CDCA4: variants seen among roughly 807,000 people sequenced by gnomAD.
The protein encoded by CDCA4 is cell division cycle-associated protein 4.
For synonymous variants in CDCA4, 130 were observed against 137.0 expected (o/e 0.95, Z 0.36); for missense variants, 294 against 322.1 (o/e 0.91, Z 0.67).
intron 1 of CDCA4, 109 bp from the exon 2 acceptor site, chr14:105,012,044 G>C (rs142906536): frequency 5.8e-5 from 75 of 1,287,292 alleles, no homozygotes; most frequent in Non-Finnish European, 8.0e-5. Flanking sequence ...CAGCGACTCC[G>C]TAACTGGCAG....
chr14:105,015,982 C>T (rs572188134), intron 1 of CDCA4, among the ~76,000 whole-genome samples: 2 of 152,314 alleles, frequency 1.3e-5, no homozygotes, highest in South Asian at 4.1e-4. Flanking sequence ...TCTAACTGGC[C>T]ACCCCAGTCC....
chr14:105,011,765 G>A lies in CDCA4; in HGVS notation c.165C>T (p.Asn55=), dbSNP rs3803294. 0.63 allele frequency: 1,022,371 copies of A among 1,613,396 alleles called. 335,300 individuals are homozygous for A. Among genetic ancestry groups the A allele is most frequent in the Non-Finnish European group, 0.68 (801,675 of 1,179,912 alleles). The change falls in exon 2 of 2, where the codon AAC becomes AAT. Residue 55 remains asparagine (N), a synonymous_variant. Coordinates refer to ENST00000336219, the MANE Select transcript of CDCA4 (RefSeq NM_017955.4). ...LQLCHMLVEP[N]LCRSVLIANT... is the part of the protein sequence containing the mutation. ...TGGCAATGAGGACTGAGCGGCACAG[G>A]TTGGGCTCCACAAGCATGTGGCAAA... is the stretch of plus-strand genomic sequence containing the variant.
chr14:105,019,803 G>A (rs1275420850), intron 1 of CDCA4, among the ~76,000 whole-genome samples: 1 of 151,348 alleles, frequency 6.6e-6, no homozygotes, highest in East Asian at 1.9e-4. Flanking sequence ...TGCCTTTCTG[G>A]TTCAAGCGAT....
Position 105,011,744 on chromosome 14 carries a change from A to G in CDCA4, c.186T>C (p.Ile62=), listed in dbSNP as rs190078783. ...CTTGGATCTGCCGGACCGTGTTGGC[A>G]ATGAGGACTGAGCGGCACAGGTTGG... ...VEPNLCRSVL[I]ANTVRQIQEE... The change falls in exon 2 of 2, where the codon ATT becomes ATC. Residue 62 remains isoleucine (I), a synonymous_variant. Coordinates refer to ENST00000336219, the MANE Select transcript of CDCA4 (RefSeq NM_017955.4). 5 of 1,613,688 alleles carry G rather than the reference A, an allele frequency of 3.1e-6. No individual in the cohort carries two copies. Among genetic ancestry groups the G allele is most frequent in the Middle Eastern group, 1.6e-4 (1 of 6,062 alleles).
chr14:105,009,734 C>T lies in CDCA4; in HGVS notation c.*1470G>A, dbSNP rs947032940. 12 of 152,092 alleles carry T rather than the reference C, an allele frequency of 7.9e-5. No individual in the cohort carries two copies. The highest frequency in any genetic ancestry group is 1.9e-4 in the African/African-American group (8 of 41,400). 9.4% of individuals were successfully genotyped at this position (152,092 alleles called of 1,614,324 possible). On this transcript the variant is annotated 3_prime_UTR_variant, in exon 2 of 2. Coordinates refer to ENST00000336219, the MANE Select transcript of CDCA4 (RefSeq NM_017955.4). ...GGTCGTGGACACCCCCAACTCCAGC[C>T]GGGCGCTGAACAATGTAAAAAGAAT... is the stretch of plus-strand genomic sequence containing the variant.
Position 105,011,853 on chromosome 14 carries a change from G to A in CDCA4, c.77C>T (p.Thr26Ile). ...CCGCTGCAGGCTGTATGAGGACACT[G>A]TCTTCAAGCCGGCCAGGGCTCCCTC... is the stretch of plus-strand genomic sequence containing the variant. ...DVEGALAGLK[T>I]VSSYSLQRQS... is the part of the protein sequence containing the mutation. The change falls in exon 2 of 2, where the codon ACA (threonine) becomes ATA (isoleucine). Residue 26 changes from threonine (T) to isoleucine (I), a missense_variant. Coordinates refer to ENST00000336219, the MANE Select transcript of CDCA4 (RefSeq NM_017955.4). 6.2e-7 allele frequency: 1 copy of A among 1,613,954 alleles called. No individual in the cohort carries two copies. The highest frequency in any genetic ancestry group is 1.1e-5 in the South Asian group (1 of 91,088).
At position 105,011,160 on chromosome 14, in the gene CDCA4, G is replaced by A. The variant is rs547608078; in HGVS notation, c.*44C>T. On this transcript the variant is annotated 3_prime_UTR_variant, in exon 2 of 2. Coordinates refer to ENST00000336219, the MANE Select transcript of CDCA4 (RefSeq NM_017955.4). ...ACCCTCCGTGGGAGCCAGTGCTCACGTGTCAATGCGTCAGAGGCGGCTGTG... is the reference window on the plus strand; with the variant it reads ...ACCCTCCGTGGGAGCCAGTGCTCACATGTCAATGCGTCAGAGGCGGCTGTG... 2.6e-5 allele frequency: 41 copies of A among 1,557,020 alleles called. No homozygotes were observed. Among genetic ancestry groups the A allele is most frequent in the African/African-American group, 4.1e-5 (3 of 73,664 alleles).
chr14:105,018,722 C>G (rs1229389295), intron 1 of CDCA4, among the ~76,000 whole-genome samples: 4 of 148,818 alleles, frequency 2.7e-5, no homozygotes, highest in Admixed American at 1.4e-4. Context: ...GCTGTGGAGC[C>G]TAGCTCCCTG....
Position 105,020,531 on chromosome 14 carries a change from C to T in CDCA4, c.-7+468G>A, listed in dbSNP as rs537825702. Among the ~76,000 whole-genome samples, 22 of 152,356 alleles carry T rather than the reference C, an allele frequency of 1.4e-4. No homozygotes were observed. The East Asian group carries it at 3.7e-3, about 25-fold the overall frequency. Reference sequence around the variant, plus strand: ...CCCAGGGAAGACGGCGCTGGCCGACCCGCCCGGGGTCTGGGCCTCCTCCCA... The same window carrying T: ...CCCAGGGAAGACGGCGCTGGCCGACTCGCCCGGGGTCTGGGCCTCCTCCCA... On this transcript the variant is annotated intron_variant, in intron 1 of 1. Coordinates refer to ENST00000336219, the MANE Select transcript of CDCA4 (RefSeq NM_017955.4).
At chr14:105,016,217 C>T (rs547574774) in intron 1 of CDCA4, among the ~76,000 whole-genome samples, 2 of 152,274 alleles carry the variant, frequency 1.3e-5, no homozygotes, top group South Asian at 2.1e-4. Flanking sequence ...AACCATAAAA[C>T]GAATTTTCTC....
chr14:105,013,920 A>C (rs1191139618), intron 1 of CDCA4, among the ~76,000 whole-genome samples: 1 of 152,238 alleles, frequency 6.6e-6, no homozygotes, highest in Non-Finnish European at 1.5e-5. Flanking sequence ...ATCTGAAACA[A>C]GGAAAATGTA....
intron 1 of CDCA4, among the ~76,000 whole-genome samples, chr14:105,015,760 G>T (rs971832800): frequency 1.3e-5 from 2 of 152,052 alleles, no homozygotes; most frequent in Non-Finnish European, 2.9e-5. Flanking sequence ...CGCCTCCCAG[G>T]TTCAAGGGAT....
intron 1 of CDCA4, among the ~76,000 whole-genome samples, chr14:105,018,918 GT>G (rs201711165): frequency 0.015 from 2,247 of 152,024 alleles, 47 homozygotes; most frequent in African/African-American, 0.051. Flanking sequence ...TGTATTTTTT[GT>G]AGAGACGGGG....
chr14:105,018,003 T>C (rs1886132574), intron 1 of CDCA4, among the ~76,000 whole-genome samples: 1 of 152,010 alleles, frequency 6.6e-6, no homozygotes. Context: ...CACAAAAATA[T>C]GTACCGTAGG....
chr14:105,012,065 G>T, intron 1 of CDCA4, 130 bp from the exon 2 acceptor site: 1 of 1,061,534 alleles, frequency 9.4e-7, no homozygotes, highest in East Asian at 2.5e-5. Flanking sequence ...GGACTTGACA[G>T]AGCTGTAACT....
chr14:105,012,056 G>C, intron 1 of CDCA4, 121 bp from the exon 2 acceptor site: 1 of 1,166,386 alleles, frequency 8.6e-7, no homozygotes, highest in Non-Finnish European at 1.2e-6. Context: ...AACTGGCAGG[G>C]ACTTGACAGA....
chr14:105,016,504 C>T (rs1461565717), intron 1 of CDCA4, among the ~76,000 whole-genome samples: 4 of 152,172 alleles, frequency 2.6e-5, no homozygotes, highest in Non-Finnish European at 5.9e-5. Flanking sequence ...GAAGGTGGAA[C>T]GCTCCACCAA....
rs765392183 is a variant in CDCA4 at position 105,011,890 on chromosome 14, C to T, written c.40G>A (p.Glu14Lys). ...GCCAGGGCTCCCTCCACGTCTTCCTCGTGGCCAACACATTTCCTCTTCAGT... is the reference window on the plus strand; with the variant it reads ...GCCAGGGCTCCCTCCACGTCTTCCTTGTGGCCAACACATTTCCTCTTCAGT... ...RGLKRKCVGH[E>K]EDVEGALAGL... is the part of the protein sequence containing the mutation. The change falls in exon 2 of 2, where the codon GAG becomes AAG. Residue 14 changes from glutamate to lysine, a missense_variant. Glu to Lys is a moderately conservative substitution (Grantham distance 56, BLOSUM62 1). Coordinates refer to ENST00000336219, the MANE Select transcript of CDCA4 (RefSeq NM_017955.4). 4.3e-6 allele frequency: 7 copies of T among 1,613,422 alleles called. No individual in the cohort carries two copies. The highest frequency in any genetic ancestry group is 2.2e-5 in the East Asian group (1 of 44,878).
chr14:105,011,926 A>G lies in CDCA4; in HGVS notation c.4T>C (p.Phe2Leu). 1 of 1,605,608 alleles carries G rather than the reference A, an allele frequency of 6.2e-7. No individual in the cohort carries two copies. Among genetic ancestry groups the G allele is most frequent in the Non-Finnish European group, 8.5e-7 (1 of 1,175,162 alleles). The change falls in exon 2 of 2, where the codon TTT (phenylalanine) becomes CTT (leucine). Residue 2 changes from phenylalanine to leucine, a missense_variant. By Grantham distance (22) the Phe-to-Leu change is conservative (BLOSUM62 0). Transcript: ENST00000336219. M[F>L]ARGLKRKCVG... The stretch of plus-strand genomic sequence containing the variant: ...CATTTCCTCTTCAGTCCTCGTGCAA[A>G]CATTGTGTCCTGCAGAAACCAAGGA...
Sources: allele counts gnomAD v4.1 joint callset (sites outside exome capture counted in the v4.1 genomes callset), GRCh38; gene constraint gnomAD v4.1.1; transcripts MANE v1.5; gene names NCBI Gene and HGNC (gene_info 2026-07-23, HGNC 2026-07-21).